PADI6: variants seen among roughly 807,000 people sequenced by gnomAD.
PADI6 encodes the protein peptidyl arginine deiminase 6.
PADI6 carries 66 observed loss-of-function variants against 78.2 expected under a neutral mutation model. The ratio of observed to expected loss-of-function variants is 0.84; its 90% CI spans 0.69 to 1.04. PADI6 has a LOEUF of 1.04. Among genes scored for constraint, PADI6 ranks in the 50% least tolerant of loss-of-function variants. PADI6 has a pLI of 0.00. For missense variants in PADI6, 854 were observed against 866.1 expected (o/e 0.99, Z 0.18); for synonymous variants, 397 against 346.9 (o/e 1.14, Z -1.60).
At chr1:17,389,335 G>A (rs1231047593) in intron 8 of PADI6, among the ~76,000 whole-genome samples, 1 of 152,156 alleles carries the variant, frequency 6.6e-6, no homozygotes, top group African/African-American at 2.4e-5. Context: ...ATACAGTGGT[G>A]AAAGCTTTCT....
intron 2 of PADI6, 58 bp downstream of exon 2, chr1:17,373,291 C>T (rs987613069): frequency 4.4e-5 from 69 of 1,573,826 alleles, no homozygotes; most frequent in Non-Finnish European, 5.5e-5. Flanking sequence ...AGCACAGCCA[C>T]TGGGGCTTCC....
chr1:17,376,873 TGTTTTGTTTTGTC>T (rs1249027542), intron 3 of PADI6, among the ~76,000 whole-genome samples: 3 of 146,598 alleles, frequency 2.0e-5, no homozygotes, highest in African/African-American at 7.3e-5. Flanking sequence ...GTTTTTGTTT[TGTTTTGTTTTGTC>T]TTGTTTTTTG....
Position 17,373,153 on chromosome 1 carries a change from A to G in PADI6, c.214A>G (p.Thr72Ala), listed in dbSNP as rs778316684. 8 of 1,613,880 alleles carry G rather than the reference A, an allele frequency of 5.0e-6. No homozygotes were observed. The highest frequency in any genetic ancestry group is 4.0e-5 in the African/African-American group (3 of 74,932). Residue 72 changes from threonine to alanine, a missense_variant, in exon 2 of 16, where the codon ACC (threonine) becomes GCC (alanine). Transcript: ENST00000619609. ...GGTGATTTCTGAGAAGGAGGACGCC[A>G]CCATCTGGTGGCCCCTGTCTGATCC... ...NTVISEKEDA[T>A]IWWPLSDPTY...
chr1:17,380,958 T>C, intron 4 of PADI6, 89 bp from the exon 5 acceptor site: 1 of 1,102,358 alleles, frequency 9.1e-7, no homozygotes, highest in East Asian at 2.6e-5. Flanking sequence ...GAGAAAGGCT[T>C]GGCTGGGCCC....
chr1:17,372,216 CTGAG>C lies in PADI6; in HGVS notation c.-25_-22del, dbSNP rs762539341. ...CCCTGGGGCGTCTGAGGCTGCTGTG[CTGAG>C]TGAGGGCTGCGGTGCAGGCCTGAGG... On this transcript the variant is annotated 5_prime_UTR_variant, in exon 1 of 16. Transcript: ENST00000619609. 5 of 1,597,830 alleles carry C rather than the reference CTGAG, an allele frequency of 3.1e-6. No homozygotes were observed. In the African/African-American group the frequency reaches 5.4e-5, roughly 17 times the overall value.
chr1:17,372,932 C>T, intron 1 of PADI6, 124 bp from the exon 2 acceptor site: 1 of 1,017,032 alleles, frequency 9.8e-7, no homozygotes, highest in African/African-American at 1.6e-5. Flanking sequence ...GGACCCCAGA[C>T]CACTCTGCCT....
At chr1:17,386,754 A>AGG in intron 6 of PADI6, among the ~76,000 whole-genome samples, 1 of 152,224 alleles carries the variant, frequency 6.6e-6, no homozygotes, top group East Asian at 1.9e-4. Context: ...AGGGCCTCCA[A>AGG]GGAGGGGCTG....
At position 17,401,582 on chromosome 1, in the gene PADI6, C is replaced by T. The variant is rs1212279943; in HGVS notation, c.*144C>T. The stretch of plus-strand genomic sequence containing the variant: ...TTCCCTGTCTGCCCCGACCGACCCT[C>T]GGACCCAGTAGGATGGCAAATGCCG... On this transcript the variant is annotated 3_prime_UTR_variant, in exon 16 of 16. Transcript: ENST00000619609. 24 of 743,920 alleles carry T rather than the reference C, an allele frequency of 3.2e-5. No individual in the cohort carries two copies. The highest frequency in any genetic ancestry group is 3.8e-4 in the Middle Eastern group (1 of 2,600). 46.1% of individuals were successfully genotyped at this position (743,920 alleles called of 1,614,324 possible). A position where few individuals can be genotyped will look rare whatever the true frequency, so the allele number is the denominator to read the frequency against.
In PADI6 at chr1:17,381,056, A is replaced by G. The variant is rs1221941803; in HGVS notation, c.445A>G (p.Ile149Val). Residue 149 changes from isoleucine (I) to valine (V), a missense_variant, in exon 5 of 16, where the codon ATC (isoleucine) becomes GTC (valine). By Grantham distance (29) the Ile-to-Val change is conservative. Coordinates refer to ENST00000619609, the MANE Select transcript of PADI6 (RefSeq NM_207421.4). ...CCCATCTCATTTGCAGAAAAAATGGATCTGGGGTCCCAGCGGTTGGGGTGC... is the reference window on the plus strand; with the variant it reads ...CCCATCTCATTTGCAGAAAAAATGGGTCTGGGGTCCCAGCGGTTGGGGTGC... ...SSDKQAKKKW[I>V]WGPSGWGAIL... is the part of the protein sequence containing the mutation. 7.5e-6 allele frequency: 12 copies of G among 1,599,280 alleles called. No individual in the cohort carries two copies. Among genetic ancestry groups the G allele is most frequent in the Non-Finnish European group, 1.0e-5 (12 of 1,173,262 alleles).
intron 15 of PADI6, among the ~76,000 whole-genome samples, chr1:17,399,690 G>A (rs186336446): frequency 8.2e-4 from 123 of 150,520 alleles, no homozygotes; most frequent in African/African-American, 2.8e-3. Flanking sequence ...CTCAGGAGTT[G>A]GAGAGCAGCT....
chr1:17,372,508 G>A (rs1347178895), intron 1 of PADI6, 147 bp downstream of exon 1: 1 of 743,642 alleles, frequency 1.3e-6, no homozygotes. Context: ...CTAGTGGGGG[G>A]CCTCCCAGTT....
At chr1:17,388,931 C>A in intron 8 of PADI6, 51 bp downstream of exon 8, 1 of 1,417,832 alleles carries the variant, frequency 7.1e-7, no homozygotes, top group East Asian at 2.3e-5. Context: ...AACTGGCACC[C>A]TCTTCTTTCT....
chr1:17,389,293 C>G (rs1544067), intron 8 of PADI6, among the ~76,000 whole-genome samples: 45,401 of 151,986 alleles, frequency 0.3, 7,107 homozygotes, highest in Middle Eastern at 0.41. Flanking sequence ...CTGGGTGTTA[C>G]GGTGAGGTAG....
chr1:17,398,670 A>G lies in PADI6; in HGVS notation c.1690-16A>G. On this transcript the variant is annotated splice_polypyrimidine_tract_variant and intron_variant, in intron 14 of 15. Transcript: ENST00000619609. ...TGCTCCCCCGCCCCCCCCCCCACCC[A>G]CCCACCCACCCACAGAAGTGCATTC... 1.1e-5 allele frequency: 1 copy of G among 92,988 alleles called. No homozygotes were observed. The highest frequency in any genetic ancestry group is 2.1e-5 in the Non-Finnish European group (1 of 46,756). The allele number at this position is 92,988 out of a possible 1,614,324, so 5.8% of individuals were successfully genotyped here.
intron 3 of PADI6, among the ~76,000 whole-genome samples, chr1:17,379,111 A>ATTTT (rs144547124): frequency 0.094 from 9,414 of 100,342 alleles, 737 homozygotes; most frequent in East Asian, 0.2. Context: ...TGCCCAGTTA[A>ATTTT]TTTTTTTTTT....
chr1:17,378,713 T>G (rs1381389634), intron 3 of PADI6, among the ~76,000 whole-genome samples: 1 of 151,884 alleles, frequency 6.6e-6, no homozygotes, highest in Non-Finnish European at 1.5e-5. Flanking sequence ...CAAGTGATTC[T>G]CCTGCCTTAG....
chr1:17,400,236 G>T (rs1047060985), intron 15 of PADI6, among the ~76,000 whole-genome samples: 4 of 151,932 alleles, frequency 2.6e-5, no homozygotes, highest in African/African-American at 9.7e-5. Context: ...TTCTGGGGCT[G>T]GGCGTGGTGT....
In PADI6 at chr1:17,378,394, G is replaced by T. The variant is rs557288381; in HGVS notation, c.368-1526G>T. 6.6e-5 allele frequency among the ~76,000 whole-genome samples: 10 copies of T among 152,280 alleles called. No individual in the cohort carries two copies. The South Asian group carries it at 2.1e-3, about 32-fold the overall frequency. On this transcript the variant is annotated intron_variant, in intron 3 of 15. Coordinates refer to ENST00000619609, the MANE Select transcript of PADI6 (RefSeq NM_207421.4). ...GAGCATCTGCTGGTCAGGTGCTGAT[G>T]ATGTAACAGCAAACAAGTCCTGCGT... is the stretch of plus-strand genomic sequence containing the variant.
Position 17,394,286 on chromosome 1 carries a change from G to A in PADI6, c.1183-14G>A, listed in dbSNP as rs374238645. 53 of 1,609,392 alleles carry A rather than the reference G, an allele frequency of 3.3e-5. No individual in the cohort carries two copies. The highest frequency in any genetic ancestry group is 4.1e-5 in the Non-Finnish European group (48 of 1,176,286). ...CCTACTAACACCCCTTCCCTGGCTC[G>A]GTCTCTCCCCCAGAGCCCTGGTATT... On this transcript the variant is annotated splice_polypyrimidine_tract_variant and intron_variant, in intron 10 of 15. Transcript: ENST00000619609.
Sources: allele counts gnomAD v4.1 joint callset (sites outside exome capture counted in the v4.1 genomes callset), GRCh38; gene constraint gnomAD v4.1.1; transcripts MANE v1.5; gene names NCBI Gene and HGNC (gene_info 2026-07-23, HGNC 2026-07-21).